The following ALK variants were observed in gnomAD, a reference collection of about 807,000 sequenced individuals.
ALK encodes ALK receptor tyrosine kinase, also known as ALK tyrosine kinase receptor.
In ALK, 74 loss-of-function variants were observed where a neutral mutation model predicts 163.1. The ratio of observed to expected loss-of-function variants is 0.45; its 90% CI spans 0.38 to 0.55. The LOEUF (loss-of-function observed/expected upper bound fraction) is 0.55, where lower values mean the gene tolerates loss of function less well. Among genes scored for constraint, ALK ranks in the 20% least tolerant of loss-of-function variants. The pLI, the probability that ALK is intolerant of heterozygous loss-of-function variation, is 0.00. For synonymous variants in ALK, 960 were observed against 843.2 expected (o/e 1.14, Z -2.40); for missense variants, 2,063 against 2,105.3 (o/e 0.98, Z 0.39).
At chr2:29,205,601 C>T (rs920491491) in intron 26 of ALK, among the ~76,000 whole-genome samples, 3 of 152,204 alleles carry the variant, frequency 2.0e-5, no homozygotes, top group Non-Finnish European at 4.4e-5. Flanking sequence ...CTTCTGGCTT[C>T]TGGTGGCTGC....
intron 1 of ALK, among the ~76,000 whole-genome samples, chr2:29,840,515 C>T (rs1183595247): frequency 1.3e-5 from 2 of 152,270 alleles, no homozygotes; most frequent in Admixed American, 1.3e-4. Flanking sequence ...TGCTTAGTTT[C>T]TTGAATTCCT....
At chr2:29,822,664 C>T (rs1325306259) in intron 1 of ALK, among the ~76,000 whole-genome samples, 2 of 152,218 alleles carry the variant, frequency 1.3e-5, no homozygotes. Flanking sequence ...AGGATTCCTT[C>T]CATCTCCTGA....
chr2:29,478,762 G>A (rs1353551146), intron 4 of ALK, among the ~76,000 whole-genome samples: 1 of 152,196 alleles, frequency 6.6e-6, no homozygotes, highest in Non-Finnish European at 1.5e-5. Context: ...GGACCTCAGT[G>A]TTTAAGCTGG....
intron 1 of ALK, among the ~76,000 whole-genome samples, chr2:29,786,879 C>G (rs1664042276): frequency 6.6e-6 from 1 of 152,094 alleles, no homozygotes; most frequent in South Asian, 2.1e-4. Context: ...GCAACCTCTA[C>G]CTACCTCCTA....
At chr2:29,890,569 C>T (rs1667117030) in intron 1 of ALK, 1 of 152,168 alleles carries the variant, frequency 6.6e-6, no homozygotes, top group Admixed American at 6.5e-5. Context: ...TAAAGAGAAC[C>T]AACAACATTG....
At chr2:29,400,984 A>G (rs1669430679) in intron 4 of ALK, among the ~76,000 whole-genome samples, 1 of 152,092 alleles carries the variant, frequency 6.6e-6, no homozygotes, top group Non-Finnish European at 1.5e-5. Flanking sequence ...TCAAAAAAAA[A>G]AAAAGCAGAT....
chr2:29,797,782 GA>G (rs988285048), intron 1 of ALK, among the ~76,000 whole-genome samples: 30 of 151,638 alleles, frequency 2.0e-4, no homozygotes, highest in African/African-American at 7.0e-4. Flanking sequence ...AATATTTGTT[GA>G]TTTTTTTTTC....
intron 1 of ALK, among the ~76,000 whole-genome samples, chr2:29,893,612 G>A (rs1667200477): frequency 6.6e-6 from 1 of 152,124 alleles, no homozygotes; most frequent in Non-Finnish European, 1.5e-5. Context: ...CAAACACCAA[G>A]GTTTAGGTCC....
intron 9 of ALK, among the ~76,000 whole-genome samples, chr2:29,296,173 A>G (rs1666171756): frequency 6.6e-6 from 1 of 152,236 alleles, no homozygotes; most frequent in Non-Finnish European, 1.5e-5. Flanking sequence ...GAGGAAACTG[A>G]GGCCCAAAGA....
At chr2:29,849,544 C>T (rs1219456901) in intron 1 of ALK, among the ~76,000 whole-genome samples, 3 of 152,190 alleles carry the variant, frequency 2.0e-5, no homozygotes, top group East Asian at 3.8e-4. Context: ...TCAGGGCCTA[C>T]GTGGCACCTC....
chr2:29,687,465 G>A (rs540486026), intron 3 of ALK, among the ~76,000 whole-genome samples: 80 of 151,778 alleles, frequency 5.3e-4, no homozygotes, highest in African/African-American at 1.7e-3. Flanking sequence ...AATAGTTAAC[G>A]TTTTTCCCCC....
At chr2:29,808,818 T>C (rs1314047886) in intron 1 of ALK, among the ~76,000 whole-genome samples, 1 of 152,184 alleles carries the variant, frequency 6.6e-6, no homozygotes, top group African/African-American at 2.4e-5. Context: ...CACAATTGCA[T>C]CTTGATGGAT....
chr2:29,436,968 C>A (rs1016296917), intron 4 of ALK, among the ~76,000 whole-genome samples: 2 of 152,060 alleles, frequency 1.3e-5, no homozygotes, highest in Non-Finnish European at 2.9e-5. Context: ...GTGAGGGGTG[C>A]CAAAAGAGGT....
rs561246931 is a variant in ALK, at chr2:29,353,254, C to T, written c.1283-24773G>A. ...CCATCTGTTCTTGTGGCCCCATGTC[C>T]TCCATCAGGCCCTGCCTGTGCTTAG... On this transcript the variant is annotated intron_variant, in intron 5 of 28. Transcript: ENST00000389048. 1.8e-4 allele frequency among the ~76,000 whole-genome samples: 28 copies of T among 152,316 alleles called. No individual in the cohort carries two copies. In the East Asian group the frequency reaches 2.9e-3, roughly 16 times the overall value.
At chr2:29,734,084 C>T (rs1276646617) in intron 1 of ALK, among the ~76,000 whole-genome samples, 1 of 152,128 alleles carries the variant, frequency 6.6e-6, no homozygotes, top group Non-Finnish European at 1.5e-5. Flanking sequence ...AAGTTAGCGG[C>T]CCAATGAGAG....
At chr2:29,378,747 G>A (rs945433133) in intron 5 of ALK, among the ~76,000 whole-genome samples, 4 of 133,630 alleles carry the variant, frequency 3.0e-5, no homozygotes, top group African/African-American at 1.1e-4. Flanking sequence ...ACAGAGTCTT[G>A]CTCTGTCACC....
intron 1 of ALK, among the ~76,000 whole-genome samples, chr2:29,859,356 G>A (rs1036393869): frequency 2.6e-5 from 4 of 152,214 alleles, no homozygotes; most frequent in South Asian, 2.1e-4. Flanking sequence ...GCTGTCCTCC[G>A]CTCTCCCTTG....
intron 4 of ALK, among the ~76,000 whole-genome samples, chr2:29,402,061 C>T (rs1669459189): frequency 6.6e-6 from 1 of 152,218 alleles, no homozygotes; most frequent in Non-Finnish European, 1.5e-5. Context: ...TACATCCCTC[C>T]CTTCACAAGA....
At chr2:29,408,218 G>GACT (rs1399675980) in intron 4 of ALK, among the ~76,000 whole-genome samples, 1 of 151,828 alleles carries the variant, frequency 6.6e-6, no homozygotes, top group African/African-American at 2.4e-5. Flanking sequence ...GAGTACCTGG[G>GACT]ACTACAGGTA....
Sources: allele counts gnomAD v4.1 joint callset (sites outside exome capture counted in the v4.1 genomes callset), GRCh38; gene constraint gnomAD v4.1.1; transcripts MANE v1.5; gene names NCBI Gene and HGNC (gene_info 2026-07-23, HGNC 2026-07-21).